NEDD9: variants seen among roughly 807,000 people sequenced by gnomAD.
NEDD9 encodes neural precursor cell expressed, developmentally down-regulated 9.
Under a neutral mutation model 76.6 loss-of-function variants are expected in NEDD9, and 26 were observed. That is an observed-to-expected ratio of 0.34 (90% CI 0.25 to 0.47). The LOEUF (loss-of-function observed/expected upper bound fraction) is 0.47, where lower values mean the gene tolerates loss of function less well. Ranked by LOEUF, NEDD9 falls within the 20% of genes least tolerant of loss-of-function variation. NEDD9 has a pLI of 1.00. For synonymous variants in NEDD9, 392 were observed against 414.2 expected (o/e 0.95, Z 0.65); for missense variants, 937 against 1,058.5 (o/e 0.89, Z 1.59).
intron 3 of NEDD9, among the ~76,000 whole-genome samples, chr6:11,245,340 A>C (rs981526449): frequency 6.6e-6 from 1 of 152,226 alleles, no homozygotes; most frequent in Non-Finnish European, 1.5e-5. Flanking sequence ...CACAGCTTTA[A>C]CAATGAAAGG....
At chr6:11,233,559 C>T, upstream of NEDD9, 1 of 517,528 alleles carries the variant, frequency 1.9e-6, no homozygotes, top group Non-Finnish European at 3.9e-6. Context: ...TGAGGATGAC[C>T]CATTAACCCA....
chr6:11,277,693 G>C (rs1760445416), intron 3 of NEDD9, among the ~76,000 whole-genome samples: 1 of 152,176 alleles, frequency 6.6e-6, no homozygotes, highest in Non-Finnish European at 1.5e-5. Flanking sequence ...TCTCAGTTTG[G>C]TGCTAAAGGT....
rs1201707993 is a variant in NEDD9, at chr6:11,333,987, GCTC to G, written c.-153+511_-153+513del. On this transcript the variant is annotated intron_variant, in intron 2 of 3. Coordinates refer to the NEDD9 transcript ENST00000397378. ...GGGCTTTAGCCCAAAAGTTGGGGTTGCTCAGTTTTTTTCCTTTCCCTCATACCC... is the reference window on the plus strand; with the variant it reads ...GGGCTTTAGCCCAAAAGTTGGGGTTGAGTTTTTTTCCTTTCCCTCATACCC... Among the ~76,000 whole-genome samples the G allele has an allele frequency of 7.9e-5, 12 of 152,318 alleles. No individual in the cohort carries two copies. The East Asian group carries it at 1.2e-3, about 15-fold the overall frequency.
upstream of NEDD9, among the ~76,000 whole-genome samples, chr6:11,235,506 G>A (rs559525759): frequency 6.6e-6 from 1 of 152,216 alleles, no homozygotes; most frequent in African/African-American, 2.4e-5. The surrounding 1 kb of genome is among the most constrained non-coding windows in gnomAD (Gnocchi z 4.1). Flanking sequence ...GAGAGTTGAG[G>A]AAAATAATTA....
At chr6:11,328,307 G>C (rs960879867) in intron 2 of NEDD9, among the ~76,000 whole-genome samples, 1 of 152,214 alleles carries the variant, frequency 6.6e-6, no homozygotes, top group Non-Finnish European at 1.5e-5. Context: ...TATCTCCACT[G>C]AGAAACGCTG....
chr6:11,201,079 T>A (rs1432365876), intron 2 of NEDD9: 2 of 1,613,734 alleles, frequency 1.2e-6, no homozygotes, highest in Admixed American at 3.3e-5. Context: ...CAAGACAAGT[T>A]CTGCTCACAT....
rs535711979 is a variant in NEDD9 at position 11,250,980 on chromosome 6, T to G, written c.13-37253A>C. Among the ~76,000 whole-genome samples, 343 of 152,358 alleles carry G rather than the reference T, an allele frequency of 2.3e-3. 1 individual carries two copies. The highest frequency in any genetic ancestry group is 4.3e-3 in the Non-Finnish European group (290 of 68,042). Reference sequence around the variant, plus strand: ...GTACTGGGCCTGGATTTTCCACCTTTGAAAATGTCTCCAGAATTTTTCTGC... The same window carrying G: ...GTACTGGGCCTGGATTTTCCACCTTGGAAAATGTCTCCAGAATTTTTCTGC... On this transcript the variant is annotated intron_variant, in intron 3 of 3. Transcript: ENST00000397378.
At chr6:11,377,700 T>C (rs1372130002) in intron 1 of NEDD9, among the ~76,000 whole-genome samples, 2 of 152,204 alleles carry the variant, frequency 1.3e-5, no homozygotes, top group Non-Finnish European at 2.9e-5. Flanking sequence ...AATTCAGACT[T>C]CGGGAGACTA....
chr6:11,368,291 T>G (rs1323249581), intron 1 of NEDD9, among the ~76,000 whole-genome samples: 1 of 152,224 alleles, frequency 6.6e-6, no homozygotes, highest in African/African-American at 2.4e-5. Flanking sequence ...TAAACATAAT[T>G]TAATCTATCA....
At chr6:11,375,682 T>C (rs56094570) in intron 1 of NEDD9, among the ~76,000 whole-genome samples, 4,822 of 152,184 alleles carry the variant, frequency 0.032, 152 homozygotes, top group African/African-American at 0.08. Context: ...CCTTCTGTCC[T>C]TTTCTCTCTC....
At chr6:11,232,826 T>G (rs1031754305), upstream of NEDD9, 4 of 844,268 alleles carry the variant, frequency 4.7e-6, no homozygotes, top group Non-Finnish European at 6.6e-6. Context: ...TTTTGCTTTA[T>G]CAGACGGTGG....
chr6:11,262,718 A>G (rs921093702), intron 3 of NEDD9, among the ~76,000 whole-genome samples: 3 of 152,254 alleles, frequency 2.0e-5, no homozygotes, highest in African/African-American at 7.2e-5. Flanking sequence ...CACAGTATAC[A>G]TTCATTAAAA....
chr6:11,312,024 T>C (rs1761387814), intron 2 of NEDD9, among the ~76,000 whole-genome samples: 1 of 152,188 alleles, frequency 6.6e-6, no homozygotes. Flanking sequence ...CCTCCCATCA[T>C]GGCACTGAGC....
At chr6:11,330,660 C>G (rs1434718529) in intron 2 of NEDD9, among the ~76,000 whole-genome samples, 4 of 152,224 alleles carry the variant, frequency 2.6e-5, no homozygotes, top group Non-Finnish European at 5.9e-5. Flanking sequence ...CAGCCTGTTT[C>G]CTGCTTTTTC....
intron 3 of NEDD9, among the ~76,000 whole-genome samples, chr6:11,262,074 C>G (rs375985626): frequency 3.3e-5 from 5 of 152,138 alleles, no homozygotes; most frequent in African/African-American, 1.2e-4. Context: ...GGAATATGCC[C>G]CAGTGTAGAA....
intron 2 of NEDD9, among the ~76,000 whole-genome samples, chr6:11,333,694 G>A (rs1762094314): frequency 6.6e-6 from 1 of 152,170 alleles, no homozygotes; most frequent in Non-Finnish European, 1.5e-5. Flanking sequence ...GTGGCTGGGG[G>A]TTTTGGCAGC....
intron 3 of NEDD9, among the ~76,000 whole-genome samples, chr6:11,248,023 T>C (rs987719532): frequency 3.9e-5 from 6 of 151,946 alleles, no homozygotes; most frequent in African/African-American, 1.5e-4. Context: ...TTTTTAAGGG[T>C]TTTTTTAAAA....
At chr6:11,234,444 T>C (rs187514173), upstream of NEDD9, among the ~76,000 whole-genome samples, 2 of 152,214 alleles carry the variant, frequency 1.3e-5, no homozygotes, top group Non-Finnish European at 2.9e-5. Flanking sequence ...TTGATGAATA[T>C]CATTGAGTAA....
At chr6:11,243,196 C>G (rs1334286013) in intron 3 of NEDD9, among the ~76,000 whole-genome samples, 1 of 152,202 alleles carries the variant, frequency 6.6e-6, no homozygotes, top group Non-Finnish European at 1.5e-5. Flanking sequence ...ATCCTGGCCT[C>G]CTGCTCAGTC....
Sources: allele counts gnomAD v4.1 joint callset (sites outside exome capture counted in the v4.1 genomes callset), GRCh38; gene constraint gnomAD v4.1.1; non-coding constraint Gnocchi (gnomAD v3.1); transcripts MANE v1.5; gene names NCBI Gene and HGNC (gene_info 2026-07-23, HGNC 2026-07-21).